Variants in SCARA5 observed in about 807,000 individuals in gnomAD.
The protein encoded by SCARA5 is scavenger receptor class A member 5.
In SCARA5, 45 loss-of-function variants were observed where a neutral mutation model predicts 46.3. That is an observed-to-expected ratio of 0.97 (90% CI 0.76 to 1.24). SCARA5 has a LOEUF of 1.24. Among genes scored for constraint, SCARA5 ranks in the 50% most tolerant of loss-of-function variants. SCARA5 has a pLI of 0.00. For missense variants in SCARA5, 680 were observed against 689.0 expected, an observed-to-expected ratio of 0.99 and a Z score of 0.15; for synonymous variants, 333 against 306.5, an observed-to-expected ratio of 1.09 and a Z score of -0.90.
At chr8:27,947,064 T>G (rs1208372796) in intron 3 of SCARA5, among the ~76,000 whole-genome samples, 2 of 149,582 alleles carry the variant, frequency 1.3e-5, no homozygotes, top group African/African-American at 2.5e-5. Flanking sequence ...CAGGCTGGAG[T>G]GCAGTAGTGT....
At chr8:27,939,549 C>A (rs1807909361) in intron 3 of SCARA5, among the ~76,000 whole-genome samples, 1 of 152,118 alleles carries the variant, frequency 6.6e-6, no homozygotes, top group Non-Finnish European at 1.5e-5. Context: ...TGTAAGAGAC[C>A]CTGGCAACCA....
At position 27,934,470 on chromosome 8, in the gene SCARA5, G is replaced by A. The variant is rs140910783; in HGVS notation, c.242-12225C>T. ...CTGTGGTGTCTCTTGGAGCTCCAGG[G>A]GCATCATGAGAAGAGATTACAGGAA... On this transcript the variant is annotated intron_variant, in intron 3 of 8. Transcript: ENST00000354914. Among the ~76,000 whole-genome samples the A allele has an allele frequency of 2.6e-3, 396 of 152,214 alleles. 2 individuals carry two copies. Among genetic ancestry groups the A allele is most frequent in the African/African-American group, 9.1e-3 (378 of 41,538 alleles).
chr8:27,874,667 T>A (rs1231700259), intron 8 of SCARA5, among the ~76,000 whole-genome samples: 1 of 152,226 alleles, frequency 6.6e-6, no homozygotes, highest in Non-Finnish European at 1.5e-5. Context: ...TGTCTCCCAA[T>A]ATTTGAATCT....
chr8:27,977,874 G>A (rs146199934), intron 2 of SCARA5, among the ~76,000 whole-genome samples: 3 of 152,324 alleles, frequency 2.0e-5, no homozygotes, highest in Non-Finnish European at 2.9e-5. Flanking sequence ...TGTAAAAAAC[G>A]CACTGGATTT....
chr8:27,946,637 C>T (rs1808042131), intron 3 of SCARA5, among the ~76,000 whole-genome samples: 1 of 152,176 alleles, frequency 6.6e-6, no homozygotes, highest in Admixed American at 6.5e-5. Context: ...GACAACCCAG[C>T]CAGCCAGGGC....
chr8:27,959,315 C>A (rs118073331), intron 3 of SCARA5, among the ~76,000 whole-genome samples: 2 of 152,230 alleles, frequency 1.3e-5, no homozygotes, highest in Non-Finnish European at 2.9e-5. Context: ...CACACTCCCC[C>A]CTGGCTAGGC....
At chr8:27,975,614 G>A (rs1808511018) in intron 2 of SCARA5, among the ~76,000 whole-genome samples, 1 of 152,224 alleles carries the variant, frequency 6.6e-6, no homozygotes, top group Non-Finnish European at 1.5e-5. Context: ...ATTGGCTGTT[G>A]ATGGAGAGAA....
intron 3 of SCARA5, among the ~76,000 whole-genome samples, chr8:27,957,010 T>C (rs1238804937): frequency 1.3e-5 from 2 of 152,140 alleles, no homozygotes; most frequent in Admixed American, 1.3e-4. Flanking sequence ...AAAATCTGCC[T>C]GGTAGCTCTG....
At chr8:27,913,493 G>A (rs949306118) in intron 4 of SCARA5, among the ~76,000 whole-genome samples, 2 of 152,186 alleles carry the variant, frequency 1.3e-5, no homozygotes, top group Non-Finnish European at 2.9e-5. Context: ...AGCCTGCTCT[G>A]ATTCTTCTTT....
At chr8:27,900,511 G>A (rs905019557) in intron 7 of SCARA5, among the ~76,000 whole-genome samples, 1 of 152,112 alleles carries the variant, frequency 6.6e-6, no homozygotes, top group Non-Finnish European at 1.5e-5. Flanking sequence ...TTTTTCAAGT[G>A]CTCTAAGCCA....
intron 3 of SCARA5, among the ~76,000 whole-genome samples, chr8:27,938,808 C>G (rs1392378452): frequency 6.6e-6 from 1 of 152,134 alleles, no homozygotes; most frequent in Admixed American, 6.5e-5. Flanking sequence ...TAGCACCCAC[C>G]CATCGTAAAC....
At chr8:27,933,008 C>A (rs114052169) in intron 3 of SCARA5, among the ~76,000 whole-genome samples, 2,212 of 152,236 alleles carry the variant, frequency 0.015, 54 homozygotes, top group African/African-American at 0.051. Context: ...ACCTTAGAAA[C>A]CTCCTTAAAG....
Position 27,922,134 on chromosome 8 carries a change from T to C in SCARA5, c.353A>G (p.Gln118Arg). 6.2e-7 allele frequency: 1 copy of C among 1,607,576 alleles called. No homozygotes were observed. Among genetic ancestry groups the C allele is most frequent in the Non-Finnish European group, 8.5e-7 (1 of 1,177,830 alleles). ...LQLRLLQAPL[Q>R]ADLTEQVWKV... ...CCACACCTGCTCCGTCAGGTCCGCTTGCAGCGGAGCCTGCAGCAGCCGCAG... is the reference window on the plus strand; with the variant it reads ...CCACACCTGCTCCGTCAGGTCCGCTCGCAGCGGAGCCTGCAGCAGCCGCAG... The change falls in exon 4 of 9, where the codon CAA becomes CGA. Residue 118 changes from glutamine to arginine, a missense_variant. Physicochemically the swap from Gln to Arg is conservative, Grantham distance 43 (BLOSUM62 1). Coordinates refer to ENST00000354914, the MANE Select transcript of SCARA5 (RefSeq NM_173833.6).
intron 3 of SCARA5, among the ~76,000 whole-genome samples, chr8:27,931,642 T>C (rs2685317): frequency 0.25 from 38,733 of 152,132 alleles, 5,600 homozygotes; most frequent in Non-Finnish European, 0.32. Context: ...TTCCTGCTTT[T>C]TGGACAAAGA....
intron 2 of SCARA5, among the ~76,000 whole-genome samples, chr8:27,974,577 T>C (rs1487287790): frequency 6.6e-6 from 1 of 152,174 alleles, no homozygotes; most frequent in Non-Finnish European, 1.5e-5. Flanking sequence ...GATAGCGTTT[T>C]ATTGCTGGGA....
chr8:27,879,630 C>G lies in SCARA5; in HGVS notation c.1290G>C (p.Val430=). Residue 430 remains valine, a synonymous_variant, in exon 8 of 9, where the codon GTG becomes GTC. Transcript: ENST00000354914. The stretch of plus-strand genomic sequence containing the variant: ...CACCGCGGAAGCCGAGCATGCGGCA[C>G]ACCACGTCTCCGTCCTTCTTGTCCC... ...DGWDKKDGDV[V]CRMLGFRGVE... The G allele has an allele frequency of 6.2e-7, 1 of 1,612,242 alleles. No homozygotes were observed. Among genetic ancestry groups the G allele is most frequent in the Non-Finnish European group, 8.5e-7 (1 of 1,180,014 alleles).
At chr8:27,946,508 G>A (rs1808039339) in intron 3 of SCARA5, among the ~76,000 whole-genome samples, 1 of 152,202 alleles carries the variant, frequency 6.6e-6, no homozygotes, top group Non-Finnish European at 1.5e-5. Flanking sequence ...AGCCCTGTTA[G>A]CACCTTGATC....
intron 3 of SCARA5, among the ~76,000 whole-genome samples, chr8:27,950,402 ATGCCCG>A (rs1808105764): frequency 1.1e-5 from 1 of 90,336 alleles, no homozygotes; most frequent in African/African-American, 3.5e-5. Context: ...CACAGGCCTC[ATGCCCG>A]TGCTTGGGGG....
chr8:27,901,712 C>T (rs1187878168), intron 7 of SCARA5, among the ~76,000 whole-genome samples: 2 of 152,176 alleles, frequency 1.3e-5, no homozygotes, highest in Admixed American at 1.3e-4. Context: ...CAGACCTCAG[C>T]CCTGAATCGT....
Sources: gnomAD v4.1 joint callset for allele counts (sites outside exome capture counted in the v4.1 genomes callset) on GRCh38, gnomAD v4.1.1 for gene constraint, MANE v1.5 for transcripts, NCBI Gene and HGNC (gene_info 2026-07-23, HGNC 2026-07-21) for gene names.